Variants in TNS1 observed in about 807,000 individuals in gnomAD.
TNS1 encodes tensin 1.
A neutral mutation model predicts 168.6 loss-of-function variants in TNS1; 62 were observed. The ratio of observed to expected loss-of-function variants is 0.37; its 90% confidence interval spans 0.30 to 0.45. The LOEUF (loss-of-function observed/expected upper bound fraction) is 0.45. Among genes scored for constraint, TNS1 ranks in the 20% least tolerant of loss-of-function variants. TNS1 has a pLI of 1.00. For synonymous variants in TNS1, 934 were observed against 933.2 expected (o/e 1.00, Z -0.02); for missense variants, 2,240 against 2,339.4 (o/e 0.96, Z 0.88).
At position 217,886,992 on chromosome 2, in the gene TNS1, C is replaced by G. The variant is rs192369158; in HGVS notation, c.867-346G>C. On this transcript the variant is annotated intron_variant, in intron 12 of 32. Transcript: ENST00000682258. ...CTGGACCAAAATTTCCACCCCACAT[C>G]CCTGACAGGCATCATTTAGCTGCAC... is the stretch of plus-strand genomic sequence containing the variant. Among the ~76,000 whole-genome samples the G allele has an allele frequency of 3.3e-3, 504 of 152,292 alleles. 8 individuals are homozygous for G. The highest frequency in any genetic ancestry group is 0.011 in the African/African-American group (476 of 41,554).
At chr2:217,966,308 T>TGTGCGCGTGC (rs372273499) in intron 3 of TNS1, among the ~76,000 whole-genome samples, 2 of 133,674 alleles carry the variant, frequency 1.5e-5, no homozygotes, top group African/African-American at 5.9e-5. Context: ...TGTGTGTGTG[T>TGTGCGCGTGC]GCGCGCGCGC....
chr2:217,831,075 A>ATG (rs1553548795), intron 22 of TNS1, among the ~76,000 whole-genome samples: 7 of 151,590 alleles, frequency 4.6e-5, no homozygotes, highest in African/African-American at 7.3e-5. Flanking sequence ...CTCTGACTCT[A>ATG]TGTGTGTGTG....
intron 32 of TNS1, 141 bp downstream of exon 32, chr2:217,807,934 C>G: frequency 9.9e-7 from 1 of 1,006,698 alleles, no homozygotes. Flanking sequence ...AAGCTTCACT[C>G]GGAAGCTGAG....
chr2:218,011,354 G>A (rs529951167), upstream of TNS1, among the ~76,000 whole-genome samples: 6 of 152,276 alleles, frequency 3.9e-5, no homozygotes, highest in Non-Finnish European at 7.4e-5. Context: ...CAGAGAGTGC[G>A]GAGAGCTGGA....
chr2:217,874,002 C>T (rs1949998064), intron 18 of TNS1, among the ~76,000 whole-genome samples: 1 of 146,532 alleles, frequency 6.8e-6, no homozygotes, highest in East Asian at 2.1e-4. Flanking sequence ...CCACCACCAC[C>T]ACCACCCCCG....
intron 4 of TNS1, among the ~76,000 whole-genome samples, chr2:217,913,030 T>C (rs867706674): frequency 3.7e-4 from 56 of 152,276 alleles, no homozygotes; most frequent in African/African-American, 1.3e-3. Context: ...CTCTGAGGTC[T>C]GCACCTCCCA....
chr2:218,011,243 T>G (rs1958703413), upstream of TNS1, among the ~76,000 whole-genome samples: 1 of 151,758 alleles, frequency 6.6e-6, no homozygotes, highest in Admixed American at 6.6e-5. Flanking sequence ...ACCCTAGAAC[T>G]AGGGAGAGGG....
chr2:217,835,870 A>G, intron 20 of TNS1, 145 bp downstream of exon 20: 1 of 659,916 alleles, frequency 1.5e-6, no homozygotes, highest in Non-Finnish European at 2.6e-6. Context: ...TCCACATGTC[A>G]GAGAAGAGAG....
chr2:217,991,807 G>T (rs1370544692), intron 1 of TNS1, among the ~76,000 whole-genome samples: 1 of 151,028 alleles, frequency 6.6e-6, no homozygotes, highest in Non-Finnish European at 1.5e-5. Flanking sequence ...CCCCAGCCCG[G>T]AAGGCTTCTT....
At chr2:217,978,862 C>T (rs2126048884) in intron 2 of TNS1, 60 bp from the exon 3 acceptor site, 1 of 701,170 alleles carries the variant, frequency 1.4e-6, no homozygotes, top group Non-Finnish European at 2.6e-6. Context: ...ATGGAAACTC[C>T]GCGAAATCTC....
chr2:218,016,748 G>T (rs1400269824), intron 1 of TNS1, among the ~76,000 whole-genome samples: 2 of 152,198 alleles, frequency 1.3e-5, no homozygotes, highest in South Asian at 4.1e-4. Flanking sequence ...AGGCACTGGG[G>T]CTGAGACCTG....
chr2:217,804,283 TCTCTC>T lies in TNS1; in HGVS notation c.*171_*175del. ...CTCTCTCTCTCTCTCTCTCTCTCTC[TCTCTC>T]TTTTCCCCCTCCCCTCTGCAATTCA... On this transcript the variant is annotated 3_prime_UTR_variant, in exon 33 of 33. Coordinates refer to ENST00000682258, the MANE Select transcript of TNS1 (RefSeq NM_001387777.1). 2 of 684,918 alleles carry T rather than the reference TCTCTC, an allele frequency of 2.9e-6. No homozygotes were observed. The highest frequency in any genetic ancestry group is 2.8e-5 in the East Asian group (1 of 36,044). The allele number at this position is 684,918 out of a possible 1,614,324, so 42.4% of individuals were successfully genotyped here. A position where few individuals can be genotyped will look rare whatever the true frequency, so the allele number is the denominator to read the frequency against.
chr2:218,003,775 T>G, upstream of TNS1, among the ~76,000 whole-genome samples: 2 of 147,538 alleles, frequency 1.4e-5, no homozygotes, highest in East Asian at 2.1e-4. Context: ...ATTTCCCCAC[T>G]TCCTCCCCCT....
At chr2:217,906,946 C>G (rs1033134456) in intron 5 of TNS1, among the ~76,000 whole-genome samples, 3 of 152,194 alleles carry the variant, frequency 2.0e-5, no homozygotes, top group Non-Finnish European at 4.4e-5. Flanking sequence ...ACCGGCTGCT[C>G]CCTCTCAGCT....
intron 3 of TNS1, among the ~76,000 whole-genome samples, chr2:217,957,155 A>G (rs1957385484): frequency 6.6e-6 from 1 of 152,156 alleles, no homozygotes; most frequent in Admixed American, 6.5e-5. Context: ...CCACCCCGGT[A>G]AGGCAGCTGT....
At position 218,031,201 on chromosome 2, in the gene TNS1, TGTGA is replaced by T. The variant is rs375627633; in HGVS notation, c.156+2615_156+2618del. On this transcript the variant is annotated intron_variant, in intron 1 of 1. Transcript: ENST00000649572. ...GTGAGTGTGAATGTGTCTGTATGTG[TGTGA>T]GTGTGTCTGTGTGTATGAGTGTGAG... is the stretch of plus-strand genomic sequence containing the variant. Among the ~76,000 whole-genome samples the T allele has an allele frequency of 8.2e-3, 1,226 of 149,450 alleles. 27 individuals are homozygous for T. Among genetic ancestry groups the T allele is most frequent in the African/African-American group, 0.029 (1,156 of 39,940 alleles).
intron 4 of TNS1, among the ~76,000 whole-genome samples, chr2:217,917,829 CAAA>C (rs79888115): frequency 6.6e-5 from 5 of 75,968 alleles, no homozygotes; most frequent in South Asian, 5.6e-4. Context: ...AGACTGTTCT[CAAA>C]AAAAAAAAAA....
intron 4 of TNS1, among the ~76,000 whole-genome samples, chr2:217,912,566 G>A (rs549242699): frequency 6.6e-6 from 1 of 152,318 alleles, no homozygotes; most frequent in Non-Finnish European, 1.5e-5. Flanking sequence ...GAGGGCTAGC[G>A]AGGGCTGGAA....
intron 1 of TNS1, among the ~76,000 whole-genome samples, chr2:217,998,175 C>T (rs1958503194): frequency 6.6e-6 from 1 of 151,802 alleles, no homozygotes; most frequent in Non-Finnish European, 1.5e-5. Flanking sequence ...GCCTTTAGCT[C>T]CTGACTCAGT....
Sources: allele counts gnomAD v4.1 joint callset (sites outside exome capture counted in the v4.1 genomes callset), GRCh38; gene constraint gnomAD v4.1.1; transcripts MANE v1.5; gene names NCBI Gene and HGNC (gene_info 2026-07-23, HGNC 2026-07-21).